TMPRSS11E: variants seen among roughly 807,000 people sequenced by gnomAD.
TMPRSS11E encodes the protein transmembrane serine protease 11E, also known as transmembrane protease serine 11E.
In TMPRSS11E, 38 loss-of-function variants were observed where a neutral mutation model predicts 48.1. The ratio of observed to expected loss-of-function variants is 0.79; its 90% confidence interval spans 0.61 to 1.04. TMPRSS11E has a LOEUF of 1.04. TMPRSS11E is among the 50% of genes least tolerant of loss of function. The pLI is 0.00. For synonymous variants in TMPRSS11E, 158 were observed against 171.9 expected (o/e 0.92, Z 0.63); for missense variants, 530 against 510.8 (o/e 1.04, Z -0.36).
At chr4:68,484,678 A>G (rs1027637864) in intron 9 of TMPRSS11E, among the ~76,000 whole-genome samples, 2 of 152,124 alleles carry the variant, frequency 1.3e-5, no homozygotes, top group Admixed American at 6.5e-5. Flanking sequence ...CTAGTTAGCC[A>G]TATGTCTATG....
At chr4:68,487,941 CA>C (rs56299530) in intron 9 of TMPRSS11E, among the ~76,000 whole-genome samples, 1,042 of 89,922 alleles carry the variant, frequency 0.012, 8 homozygotes, top group East Asian at 0.053. Flanking sequence ...GACTCTGTCT[CA>C]AAAAAAAAAA....
chr4:68,469,936 T>C (rs1175766954), intron 4 of TMPRSS11E, among the ~76,000 whole-genome samples: 1 of 151,982 alleles, frequency 6.6e-6, no homozygotes, highest in Non-Finnish European at 1.5e-5. Context: ...AATTCTATTT[T>C]CCCAATAACT....
chr4:68,458,654 C>T (rs1012157106), intron 1 of TMPRSS11E, among the ~76,000 whole-genome samples: 5 of 151,958 alleles, frequency 3.3e-5, no homozygotes, highest in African/African-American at 9.7e-5. Flanking sequence ...ACTTTTTTCA[C>T]ATCTAATTTG....
chr4:68,449,680 T>C (rs1008590528), intron 1 of TMPRSS11E, among the ~76,000 whole-genome samples: 5 of 151,800 alleles, frequency 3.3e-5, no homozygotes, highest in East Asian at 1.9e-4. Flanking sequence ...ATGTAATTCT[T>C]ATTTACCCTA....
intron 1 of TMPRSS11E, among the ~76,000 whole-genome samples, chr4:68,460,546 C>G (rs1195108819): frequency 6.6e-6 from 1 of 152,084 alleles, no homozygotes; most frequent in African/African-American, 2.4e-5. Flanking sequence ...GATTCAACAC[C>G]CAGTACTCCT....
intron 9 of TMPRSS11E, among the ~76,000 whole-genome samples, chr4:68,484,135 A>G (rs528112823): frequency 6.6e-6 from 1 of 152,286 alleles, no homozygotes; most frequent in East Asian, 1.9e-4. Flanking sequence ...TTTTGGTTCC[A>G]TATAAATATT....
intron 9 of TMPRSS11E, 133 bp from the exon 10 acceptor site, chr4:68,496,510 A>G (rs969726930): frequency 4.6e-6 from 4 of 871,444 alleles, no homozygotes; most frequent in Non-Finnish European, 7.1e-6. Context: ...GATGGAGAAA[A>G]TCACTTATGC....
intron 9 of TMPRSS11E, among the ~76,000 whole-genome samples, chr4:68,483,104 G>T (rs1483605407): frequency 6.6e-6 from 1 of 152,190 alleles, no homozygotes; most frequent in Admixed American, 6.5e-5. Context: ...TATTAGAAAA[G>T]ATGTTTAATT....
Position 68,461,823 on chromosome 4 carries a change from C to T in TMPRSS11E, c.14C>T (p.Pro5Leu). MMYR[P>L]DVVRARKRVC... Reference sequence around the variant, plus strand: ...TATCTATTTATTTTCTTCCTTAGGCCAGATGTGGTGAGGGCTAGGAAAAGA... The same window carrying T: ...TATCTATTTATTTTCTTCCTTAGGCTAGATGTGGTGAGGGCTAGGAAAAGA... Residue 5 changes from proline (P) to leucine (L), a missense_variant and splice_region_variant, in exon 2 of 10, where the codon CCA (proline) becomes CTA (leucine). Coordinates refer to ENST00000305363, the MANE Select transcript of TMPRSS11E (RefSeq NM_014058.4). 5 of 1,614,096 alleles carry T rather than the reference C, an allele frequency of 3.1e-6. No homozygotes were observed. Among genetic ancestry groups the T allele is most frequent in the South Asian group, 1.1e-5 (1 of 91,076 alleles).
At chr4:68,496,196 T>C (rs1394227373) in intron 9 of TMPRSS11E, among the ~76,000 whole-genome samples, 1 of 152,140 alleles carries the variant, frequency 6.6e-6, no homozygotes, top group African/African-American at 2.4e-5. Context: ...AAACTTGAGA[T>C]AGAAACCCTG....
intron 9 of TMPRSS11E, among the ~76,000 whole-genome samples, chr4:68,488,977 G>T (rs1729641372): frequency 6.6e-6 from 1 of 152,122 alleles, no homozygotes; most frequent in South Asian, 2.1e-4. Flanking sequence ...TGAATTCCAT[G>T]TCTGTCATTT....
chr4:68,480,523 C>T (rs1729373544), intron 9 of TMPRSS11E, among the ~76,000 whole-genome samples: 2 of 151,824 alleles, frequency 1.3e-5, no homozygotes, highest in African/African-American at 2.4e-5. Context: ...CTTCCTATTT[C>T]TTTTCCTTTG....
chr4:68,496,561 TTAC>T (rs1729870596), intron 9 of TMPRSS11E, 79 bp from the exon 10 acceptor site: 1 of 1,386,840 alleles, frequency 7.2e-7, no homozygotes, highest in Non-Finnish European at 9.8e-7. Context: ...ACCCCTTTCA[TTAC>T]ATTCTTAAGT....
intron 9 of TMPRSS11E, among the ~76,000 whole-genome samples, chr4:68,487,254 AT>A (rs201990198): frequency 0.29 from 42,514 of 144,994 alleles, 6,431 homozygotes; most frequent in Middle Eastern, 0.46. Context: ...GGTGTCAGGA[AT>A]TTTTTTTTTT....
chr4:68,496,842 T>G lies in TMPRSS11E; in HGVS notation c.*38T>G, dbSNP rs1482977546. On this transcript the variant is annotated 3_prime_UTR_variant, in exon 10 of 10. Transcript: ENST00000305363. ...TCATGGAACAGATAACATTTTTTTT[T>G]GTTTTTTGGGTGTGGAGGCCATTTT... 6.4e-7 allele frequency: 1 copy of G among 1,568,088 alleles called. No individual in the cohort carries two copies. Among genetic ancestry groups the G allele is most frequent in the Non-Finnish European group, 8.6e-7 (1 of 1,161,044 alleles).
At chr4:68,459,551 G>A (rs1728731045) in intron 1 of TMPRSS11E, among the ~76,000 whole-genome samples, 1 of 152,060 alleles carries the variant, frequency 6.6e-6, no homozygotes, top group South Asian at 2.1e-4. Context: ...AACATGAAAT[G>A]CATATTATTC....
rs144471150 is a variant in TMPRSS11E at position 68,496,674 on chromosome 4, A to G, written c.1142A>G (p.Asp381Gly). ...GDSGGPLVSS[D>G]ARDIWYLAGI... is the part of the protein sequence containing the mutation. ...TCTGGAGGACCACTGGTTAGTTCAGATGCTAGAGATATCTGGTACCTTGCT... is the reference window on the plus strand; with the variant it reads ...TCTGGAGGACCACTGGTTAGTTCAGGTGCTAGAGATATCTGGTACCTTGCT... Residue 381 changes from aspartate to glycine, a missense_variant, in exon 10 of 10, where the codon GAT (aspartate) becomes GGT (glycine). By Grantham distance (94) the Asp-to-Gly change is moderately conservative. Transcript: ENST00000305363. 3 of 1,613,454 alleles carry G rather than the reference A, an allele frequency of 1.9e-6. No homozygotes were observed. The highest frequency in any genetic ancestry group is 1.7e-6 in the Non-Finnish European group (2 of 1,179,630).
intron 9 of TMPRSS11E, among the ~76,000 whole-genome samples, chr4:68,488,156 A>G (rs1224889823): frequency 1.3e-5 from 2 of 151,942 alleles, no homozygotes; most frequent in Admixed American, 1.3e-4. Flanking sequence ...GGTGTCTTGT[A>G]TGTTATATCT....
intron 3 of TMPRSS11E, among the ~76,000 whole-genome samples, chr4:68,467,138 A>G (rs1455901079): frequency 3.9e-5 from 6 of 152,110 alleles, no homozygotes; most frequent in Non-Finnish European, 8.8e-5. Context: ...ATTTAGGCAC[A>G]TACCTAAATA....
Sources: gnomAD v4.1 joint callset for allele counts (sites outside exome capture counted in the v4.1 genomes callset) on GRCh38, gnomAD v4.1.1 for gene constraint, MANE v1.5 for transcripts, NCBI Gene and HGNC (gene_info 2026-07-23, HGNC 2026-07-21) for gene names.